C8orf34: variants seen among roughly 807,000 people sequenced by gnomAD.
C8orf34 encodes the protein uncharacterized protein C8orf34.
A neutral mutation model predicts 68.3 loss-of-function variants in C8orf34; 65 were observed. The ratio of observed to expected loss-of-function variants is 0.95; its 90% CI spans 0.78 to 1.17. The LOEUF (loss-of-function observed/expected upper bound fraction) is 1.17, where lower values mean the gene tolerates loss of function less well. C8orf34 is among the 50% of genes most tolerant of loss of function. The pLI is 0.00. For missense variants in C8orf34, 664 were observed against 655.4 expected (o/e 1.01, Z -0.14); for synonymous variants, 244 against 241.2 (o/e 1.01, Z -0.11).
intron 4 of C8orf34, among the ~76,000 whole-genome samples, chr8:68,469,875 TA>T (rs1812306926): frequency 5.7e-5 from 1 of 17,472 alleles, no homozygotes; most frequent in Non-Finnish European, 1.0e-4. Flanking sequence ...AAGAAGTTTA[TA>T]TATATATATA....
chr8:68,466,021 G>A (rs1293413675), intron 3 of C8orf34, among the ~76,000 whole-genome samples: 1 of 110,970 alleles, frequency 9.0e-6, no homozygotes, highest in Non-Finnish European at 1.8e-5. Context: ...TATACACAAT[G>A]AAATACTATT....
intron 1 of C8orf34, among the ~76,000 whole-genome samples, chr8:68,397,551 T>C (rs1808768910): frequency 6.6e-6 from 1 of 152,272 alleles, no homozygotes; most frequent in African/African-American, 2.4e-5. Flanking sequence ...TATTCCAAAG[T>C]ATATGGTATA....
rs182268318 is a variant in C8orf34 at position 68,414,429 on chromosome 8, T to G, written c.328-25070T>G. Among the ~76,000 whole-genome samples the G allele has an allele frequency of 3.7e-3, 568 of 152,320 alleles. 2 individuals carry two copies. The highest frequency in any genetic ancestry group is 0.013 in the African/African-American group (535 of 41,576). On this transcript the variant is annotated intron_variant, in intron 1 of 13. Transcript: ENST00000518698. The stretch of plus-strand genomic sequence containing the variant: ...AGCATATTATCATACGAAATGAAAC[T>G]GCAGGTTGAGAACAATTTTTAGTTA...
rs372710425 is a variant in C8orf34, at chr8:68,336,095, G to T, written c.327+4756G>T. Among the ~76,000 whole-genome samples, 24 of 151,058 alleles carry T rather than the reference G, an allele frequency of 1.6e-4. 1 individual carries two copies. In the East Asian group the frequency reaches 3.1e-3, roughly 20 times the overall value. On this transcript the variant is annotated intron_variant, in intron 1 of 13. Transcript: ENST00000518698. ...GAGGGAGACCCCATTACAAAAAAAAGAAAAAAAATAGTATTTTAATATTTG... is the reference window on the plus strand; with the variant it reads ...GAGGGAGACCCCATTACAAAAAAAATAAAAAAAATAGTATTTTAATATTTG...
chr8:68,734,750 TC>T (rs1217154063), intron 10 of C8orf34, among the ~76,000 whole-genome samples: 2 of 152,170 alleles, frequency 1.3e-5, no homozygotes, highest in African/African-American at 4.8e-5. Context: ...CATGTTAACA[TC>T]TCTGCTGCAC....
intron 10 of C8orf34, among the ~76,000 whole-genome samples, chr8:68,743,195 T>C (rs1391551388): frequency 1.3e-5 from 2 of 152,226 alleles, no homozygotes; most frequent in Non-Finnish European, 2.9e-5. Flanking sequence ...GGACACCTGT[T>C]AGAAACCTGT....
intron 1 of C8orf34, among the ~76,000 whole-genome samples, chr8:68,425,041 A>G (rs1438663933): frequency 6.6e-6 from 1 of 152,224 alleles, no homozygotes; most frequent in Non-Finnish European, 1.5e-5. Context: ...GTCACATCAT[A>G]TTAATTGATG....
At chr8:68,498,151 AAAC>A (rs2129632349) in intron 5 of C8orf34, among the ~76,000 whole-genome samples, 1 of 152,310 alleles carries the variant, frequency 6.6e-6, no homozygotes, top group East Asian at 1.9e-4. Flanking sequence ...GTGAAAACTA[AAAC>A]AACAATAGCA....
At chr8:68,380,952 G>A (rs866210669) in intron 1 of C8orf34, among the ~76,000 whole-genome samples, 18 of 152,242 alleles carry the variant, frequency 1.2e-4, no homozygotes, top group African/African-American at 3.9e-4. Context: ...TAAGTTAGAT[G>A]ATAAAATATA....
intron 7 of C8orf34, chr8:68,534,834 G>A (rs138186503): frequency 1.0e-6 from 1 of 985,370 alleles, no homozygotes; most frequent in African/African-American, 1.7e-5. Context: ...CTGACTGAAG[G>A]TTCTAGTCTC....
intron 8 of C8orf34, among the ~76,000 whole-genome samples, chr8:68,665,385 C>T (rs1819806512): frequency 6.6e-6 from 1 of 152,082 alleles, no homozygotes; most frequent in Non-Finnish European, 1.5e-5. Context: ...ATGAGATATG[C>T]AACATTCCTT....
At position 68,431,308 on chromosome 8, in the gene C8orf34, A is replaced by C. The variant is rs181968858; in HGVS notation, c.328-8191A>C. Reference sequence around the variant, plus strand: ...TTTTTTATAAATGATAAAAGGCTAAAATAAAGTAATTTTTATTGAACTGAA... The same window carrying C: ...TTTTTTATAAATGATAAAAGGCTAACATAAAGTAATTTTTATTGAACTGAA... On this transcript the variant is annotated intron_variant, in intron 1 of 13. Coordinates refer to ENST00000518698, the MANE Select transcript of C8orf34 (RefSeq NM_052958.4). Among the ~76,000 whole-genome samples, 894 of 152,322 alleles carry C rather than the reference A, an allele frequency of 5.9e-3. 7 individuals are homozygous for C. The highest frequency in any genetic ancestry group is 0.021 in the African/African-American group (867 of 41,568).
chr8:68,749,176 G>A (rs1172973214), intron 10 of C8orf34, among the ~76,000 whole-genome samples: 4 of 149,748 alleles, frequency 2.7e-5, no homozygotes, highest in African/African-American at 7.3e-5. Context: ...TCATAGGTGG[G>A]AATTGAACAA....
chr8:68,735,287 C>T (rs956608080), intron 10 of C8orf34, among the ~76,000 whole-genome samples: 1 of 152,166 alleles, frequency 6.6e-6, no homozygotes, highest in Non-Finnish European at 1.5e-5. Flanking sequence ...GTAAGGTTTG[C>T]TTTGAACATA....
At chr8:68,558,001 G>A (rs756843470) in intron 7 of C8orf34, among the ~76,000 whole-genome samples, 1 of 152,094 alleles carries the variant, frequency 6.6e-6, no homozygotes, top group Non-Finnish European at 1.5e-5. Context: ...GGCCAAAAAT[G>A]CCTTTATAAC....
chr8:68,712,519 C>G (rs148728826), intron 9 of C8orf34, among the ~76,000 whole-genome samples: 176 of 152,022 alleles, frequency 1.2e-3, no homozygotes, highest in African/African-American at 3.9e-3. Flanking sequence ...AAATGGACAC[C>G]AAAAGTGAGC....
In C8orf34 at chr8:68,452,067, GAAT is replaced by G. The variant is rs775677913; in HGVS notation, c.607+5612_607+5614del. On this transcript the variant is annotated intron_variant, in intron 3 of 13. Transcript: ENST00000518698. ...CACTACTTCAGTCCTTTTCGTGGCTGAATAATATTCCATTGTGTGGTTAAACCA... is the reference window on the plus strand; with the variant it reads ...CACTACTTCAGTCCTTTTCGTGGCTGAATATTCCATTGTGTGGTTAAACCA... Among the ~76,000 whole-genome samples, 10 of 152,010 alleles carry G rather than the reference GAAT, an allele frequency of 6.6e-5. No homozygotes were observed. In the East Asian group the frequency reaches 1.9e-3, roughly 29 times the overall value.
At chr8:68,570,174 G>T (rs1816720692) in intron 7 of C8orf34, among the ~76,000 whole-genome samples, 1 of 152,164 alleles carries the variant, frequency 6.6e-6, no homozygotes. Context: ...TGAACATTGA[G>T]TTACCAGCCA....
intron 1 of C8orf34, among the ~76,000 whole-genome samples, chr8:68,382,935 T>C (rs960494204): frequency 2.0e-5 from 3 of 152,176 alleles, no homozygotes; most frequent in African/African-American, 7.2e-5. Flanking sequence ...AGTTTCATCC[T>C]CCTGGGAGAA....
Sources: allele counts gnomAD v4.1 joint callset (sites outside exome capture counted in the v4.1 genomes callset), GRCh38; gene constraint gnomAD v4.1.1; transcripts MANE v1.5; gene names NCBI Gene and HGNC (gene_info 2026-07-23, HGNC 2026-07-21).